Variants in BCL2 observed in about 807,000 individuals in gnomAD.
BCL2 encodes the protein BCL2 apoptosis regulator.
BCL2 carries 1 observed loss-of-function variant against 14.2 expected under a neutral mutation model. That is an observed-to-expected ratio of 0.07 (90% CI 0.02 to 0.33). The LOEUF (loss-of-function observed/expected upper bound fraction) is 0.33, where lower values mean the gene tolerates loss of function less well. BCL2 is among the 10% of genes least tolerant of loss of function. The pLI is 0.99. For synonymous variants in BCL2, 151 were observed against 137.2 expected, an observed-to-expected ratio of 1.10 and a Z score of -0.70; for missense variants, 247 against 305.9, an observed-to-expected ratio of 0.81 and a Z score of 1.44.
chr18:63,282,778 T>C (rs1568257242), intron 2 of BCL2, among the ~76,000 whole-genome samples: 1 of 152,192 alleles, frequency 6.6e-6, no homozygotes, highest in Non-Finnish European at 1.5e-5. Context: ...TAAATAGCAG[T>C]AAATATATAT....
intron 2 of BCL2, among the ~76,000 whole-genome samples, chr18:63,140,322 G>A (rs1317106490): frequency 2.0e-5 from 3 of 152,176 alleles, no homozygotes; most frequent in Non-Finnish European, 2.9e-5. Context: ...GAAATTGCAC[G>A]TTCACACGAA....
rs190312967 is a variant in BCL2, at chr18:63,226,670, C to A, written c.585+91412G>T. On this transcript the variant is annotated intron_variant, in intron 2 of 2. Coordinates refer to ENST00000333681, the MANE Select transcript of BCL2 (RefSeq NM_000633.3). ...TTTGCAAACAACAGTAACAAAACAC[C>A]CTTATTTAAGATATATATGAATATA... Among the ~76,000 whole-genome samples, 9 of 151,682 alleles carry A rather than the reference C, an allele frequency of 5.9e-5. No homozygotes were observed. In the East Asian group the frequency reaches 1.7e-3, roughly 29 times the overall value.
intron 2 of BCL2, among the ~76,000 whole-genome samples, chr18:63,162,717 G>A (rs1914950995): frequency 6.6e-6 from 1 of 151,962 alleles, no homozygotes; most frequent in East Asian, 1.9e-4. Flanking sequence ...CTACCACTAG[G>A]GCAGCATCCT....
chr18:63,143,687 A>G (rs777926962), intron 2 of BCL2, among the ~76,000 whole-genome samples: 3 of 152,250 alleles, frequency 2.0e-5, no homozygotes, highest in Non-Finnish European at 2.9e-5. Flanking sequence ...ACTATTCCTC[A>G]GGCAAAAATG....
chr18:63,213,688 A>T (rs1335486259), intron 2 of BCL2, among the ~76,000 whole-genome samples: 1 of 152,208 alleles, frequency 6.6e-6, no homozygotes, highest in Non-Finnish European at 1.5e-5. Context: ...CTGAGAATGC[A>T]CTGAAGAATG....
intron 2 of BCL2, among the ~76,000 whole-genome samples, chr18:63,229,695 C>T (rs1910640658): frequency 1.3e-5 from 2 of 152,190 alleles, no homozygotes; most frequent in South Asian, 4.1e-4. Context: ...GATTCTGGCA[C>T]CATGACTGTA....
At chr18:63,271,715 AT>A (rs1451969936) in intron 2 of BCL2, among the ~76,000 whole-genome samples, 6 of 152,228 alleles carry the variant, frequency 3.9e-5, no homozygotes, top group Non-Finnish European at 8.8e-5. Context: ...TAGGCAATGA[AT>A]GGCTCAGTTA....
intron 2 of BCL2, among the ~76,000 whole-genome samples, chr18:63,191,199 T>C (rs1909283989): frequency 6.6e-6 from 1 of 152,212 alleles, no homozygotes; most frequent in South Asian, 2.1e-4. Flanking sequence ...ATGATTTATA[T>C]TCCTTTGGGT....
At chr18:63,288,097 G>C (rs1366348026) in intron 2 of BCL2, among the ~76,000 whole-genome samples, 1 of 152,146 alleles carries the variant, frequency 6.6e-6, no homozygotes, top group South Asian at 2.1e-4. Context: ...TCTTTTTTTA[G>C]TTTTTAGGAA....
At chr18:63,244,584 T>C (rs544079489) in intron 2 of BCL2, among the ~76,000 whole-genome samples, 1 of 152,208 alleles carries the variant, frequency 6.6e-6, no homozygotes, top group African/African-American at 2.4e-5. Context: ...AGAAGTTTCG[T>C]TTGGCAGAGT....
At chr18:63,297,564 G>C (rs1599297641) in intron 2 of BCL2, among the ~76,000 whole-genome samples, 1 of 152,202 alleles carries the variant, frequency 6.6e-6, no homozygotes. Flanking sequence ...TTTTCTCAGT[G>C]CCTAGCACAG....
chr18:63,156,132 G>C (rs574774291), intron 2 of BCL2, among the ~76,000 whole-genome samples: 1 of 151,482 alleles, frequency 6.6e-6, no homozygotes, highest in African/African-American at 2.4e-5. Flanking sequence ...AGACGGGCTG[G>C]CAGGGGAGGG....
At position 63,125,601 on chromosome 18, in the gene BCL2, G is replaced by C. The variant is rs1210016956; in HGVS notation, c.*3024C>G. The stretch of plus-strand genomic sequence containing the variant: ...TTCATTCATAAAGAGCAGTTAAGAT[G>C]CAGATGTGAATCCCTCTTCAATACA... On this transcript the variant is annotated 3_prime_UTR_variant, in exon 3 of 3. Transcript: ENST00000333681. 9.4e-6 allele frequency: 2 copies of C among 213,056 alleles called. No homozygotes were observed. Among genetic ancestry groups the C allele is most frequent in the Non-Finnish European group, 1.9e-5 (2 of 105,282 alleles). 13.2% of individuals were successfully genotyped at this position (213,056 alleles called of 1,614,324 possible).
intron 2 of BCL2, among the ~76,000 whole-genome samples, chr18:63,225,363 T>C (rs961720824): frequency 7.2e-5 from 11 of 152,154 alleles, no homozygotes; most frequent in Admixed American, 6.5e-4. Flanking sequence ...AAGGTTAAGA[T>C]ATACATAAAA....
intron 2 of BCL2, among the ~76,000 whole-genome samples, chr18:63,311,660 GA>G (rs1188379953): frequency 6.6e-6 from 1 of 152,132 alleles, no homozygotes; most frequent in Non-Finnish European, 1.5e-5. Flanking sequence ...CTGAAGTTGT[GA>G]AGGCAAAACA....
At chr18:63,189,101 A>G (rs1915658834) in intron 2 of BCL2, among the ~76,000 whole-genome samples, 1 of 151,396 alleles carries the variant, frequency 6.6e-6, no homozygotes, top group Non-Finnish European at 1.5e-5. Flanking sequence ...TACCAAGACA[A>G]AGGCTATGTA....
intron 2 of BCL2, among the ~76,000 whole-genome samples, chr18:63,267,353 G>C (rs1911862164): frequency 6.6e-6 from 1 of 152,198 alleles, no homozygotes; most frequent in Non-Finnish European, 1.5e-5. Flanking sequence ...AGGAGGAAAT[G>C]ATGAGGCTGT....
At chr18:63,202,205 T>A (rs1180847430) in intron 2 of BCL2, among the ~76,000 whole-genome samples, 4 of 151,954 alleles carry the variant, frequency 2.6e-5, no homozygotes, top group African/African-American at 9.7e-5. Flanking sequence ...GGTACTTGGG[T>A]GCCTGAGGCA....
rs549271320 is a variant in BCL2, at chr18:63,302,312, A to G, written c.585+15770T>C. ...GCAAAACTCCTTCTCAAAAAAAAAA[A>G]AAAGAGAGAGAAAGAGAGAAAGAGA... On this transcript the variant is annotated intron_variant, in intron 2 of 2. Transcript: ENST00000333681. 2.3e-5 allele frequency: 23 copies of G among 981,938 alleles called. No homozygotes were observed. In the East Asian group the frequency reaches 1.4e-3, roughly 58 times the overall value. 60.8% of individuals were successfully genotyped at this position (981,938 alleles called of 1,614,324 possible).
Sources: allele counts gnomAD v4.1 joint callset (sites outside exome capture counted in the v4.1 genomes callset), GRCh38; gene constraint gnomAD v4.1.1; transcripts MANE v1.5; gene names NCBI Gene and HGNC (gene_info 2026-07-23, HGNC 2026-07-21).